The following DDX6 variants were observed in gnomAD, a reference collection of about 807,000 sequenced individuals.
The protein encoded by DDX6 is DEAD-box helicase 6.
Under a neutral mutation model 60.6 loss-of-function variants are expected in DDX6, and 7 were observed. That is an observed-to-expected ratio of 0.12 (90% CI 0.07 to 0.22). The LOEUF is 0.22. Ranked by LOEUF, DDX6 falls within the 10% of genes least tolerant of loss-of-function variation. The pLI is 1.00. For missense variants in DDX6, 270 were observed against 589.9 expected (o/e 0.46, Z 5.62); for synonymous variants, 207 against 201.0 (o/e 1.03, Z -0.25).
At chr11:118,765,149 T>C in intron 6 of DDX6, 60 bp downstream of exon 6, 13 of 1,564,550 alleles carry the variant, frequency 8.3e-6, no homozygotes, top group Non-Finnish European at 1.1e-5. Context: ...AATAATTTAC[T>C]GAAATACTTG....
At chr11:118,780,849 C>T (rs544361009) in intron 3 of DDX6, among the ~76,000 whole-genome samples, 2 of 152,202 alleles carry the variant, frequency 1.3e-5, no homozygotes, top group South Asian at 4.1e-4. Context: ...TGATGATAAG[C>T]AAAAATGTTT....
chr11:118,783,236 G>A (rs1861961019), intron 2 of DDX6, among the ~76,000 whole-genome samples: 2 of 152,124 alleles, frequency 1.3e-5, no homozygotes, highest in African/African-American at 4.8e-5. Flanking sequence ...AGGAAAACCA[G>A]AAAAGAAAAA....
rs542330434 is a variant in DDX6 at position 118,753,013 on chromosome 11, T to C, written c.*8-916A>G. Reference sequence around the variant, plus strand: ...GTATTTGACGGAGTTTCACTCTTATTACCTAGGAAATCAGAGTGGGTTATT... The same window carrying C: ...GTATTTGACGGAGTTTCACTCTTATCACCTAGGAAATCAGAGTGGGTTATT... On this transcript the variant is annotated intron_variant, in intron 13 of 13. Coordinates refer to ENST00000534980, the MANE Select transcript of DDX6 (RefSeq NM_004397.6). 1.5e-4 allele frequency among the ~76,000 whole-genome samples: 23 copies of C among 152,312 alleles called. No individual in the cohort carries two copies. In the East Asian group the frequency reaches 4.2e-3, roughly 28 times the overall value.
chr11:118,753,031 G>C (rs1197342977), intron 13 of DDX6, among the ~76,000 whole-genome samples: 2 of 152,168 alleles, frequency 1.3e-5, no homozygotes, highest in African/African-American at 4.8e-5. Flanking sequence ...AAATCAGAGT[G>C]GGTTATTTAT....
chr11:118,786,862 T>A (rs1862091426), intron 1 of DDX6: 1 of 152,284 alleles, frequency 6.6e-6, no homozygotes, highest in Non-Finnish European at 1.5e-5. Context: ...AAGTCAGTGA[T>A]TCATTATACT....
rs1862132793 is a variant in DDX6, at chr11:118,787,979, C to T, written c.-267-1461G>A. 2.0e-5 allele frequency: 3 copies of T among 150,868 alleles called. No homozygotes were observed. The South Asian group carries it at 6.3e-4, about 32-fold the overall frequency. 9.3% of individuals were successfully genotyped at this position (150,868 alleles called of 1,614,324 possible). ...TTTTAAGAAAACTTTCCAAGAAATC[C>T]AGAGTAGTAAAGCTAATTAATAGTT... On this transcript the variant is annotated intron_variant, in intron 1 of 13. Transcript: ENST00000534980.
chr11:118,767,148 G>A (rs915606279), intron 5 of DDX6, among the ~76,000 whole-genome samples: 6 of 151,564 alleles, frequency 4.0e-5, no homozygotes, highest in African/African-American at 1.2e-4. Context: ...TCGGCCTCCC[G>A]AAGTGCTGGG....
chr11:118,759,048 G>C (rs1861075396), intron 8 of DDX6, 146 bp from the exon 9 acceptor site: 1 of 1,095,302 alleles, frequency 9.1e-7, no homozygotes, highest in Admixed American at 2.6e-5. Flanking sequence ...TATATGATCT[G>C]TCATTACAGA....
rs1250559571 is a variant in DDX6 at position 118,751,721 on chromosome 11, A to C, written c.*384T>G. 3 of 294,870 alleles carry C rather than the reference A, an allele frequency of 1.0e-5. No homozygotes were observed. In the East Asian group the frequency reaches 3.1e-4, roughly 31 times the overall value. 18.3% of individuals were successfully genotyped at this position (294,870 alleles called of 1,614,324 possible). A position where few individuals can be genotyped will look rare whatever the true frequency, so the allele number is the denominator to read the frequency against. On this transcript the variant is annotated 3_prime_UTR_variant, in exon 14 of 14. Transcript: ENST00000534980. ...AGGAATCAGGGAGAAGTTGAAATGCACGAGAGTCAGCTGTTGGAGAATTTT... is the reference window on the plus strand; with the variant it reads ...AGGAATCAGGGAGAAGTTGAAATGCCCGAGAGTCAGCTGTTGGAGAATTTT...
Position 118,778,798 on chromosome 11 carries a change from T to C in DDX6, c.369+834A>G, listed in dbSNP as rs118031643. On this transcript the variant is annotated intron_variant, in intron 4 of 13. Transcript: ENST00000534980. ...ATACCCTGAGAAGGCCATAATGTGATTTCTGCATTATTCGGGCTGAGAAAG... is the reference window on the plus strand; with the variant it reads ...ATACCCTGAGAAGGCCATAATGTGACTTCTGCATTATTCGGGCTGAGAAAG... Among the ~76,000 whole-genome samples the C allele has an allele frequency of 8.0e-3, 1,224 of 152,212 alleles. 67 individuals carry two copies. In the East Asian group the frequency reaches 0.14, roughly 17 times the overall value.
At chr11:118,765,871 G>A (rs1861335632) in intron 5 of DDX6, among the ~76,000 whole-genome samples, 1 of 152,058 alleles carries the variant, frequency 6.6e-6, no homozygotes, top group South Asian at 2.1e-4. Flanking sequence ...GATCACCTGA[G>A]GCCGGGAGTT....
chr11:118,779,631 C>A lies in DDX6; in HGVS notation c.369+1G>T. 6.3e-7 allele frequency: 1 copy of A among 1,598,862 alleles called. No individual in the cohort carries two copies. On this transcript the variant is annotated splice_donor_variant, in intron 4 of 13. Transcript: ENST00000534980. LOFTEE classifies it high-confidence loss of function. ...ATATGTGATAAAAAGGGTTAACATA[C>A]CTGAATAGGAGATGGCTTTTCCCAG... is the stretch of plus-strand genomic sequence containing the variant.
intron 10 of DDX6, among the ~76,000 whole-genome samples, chr11:118,756,773 A>G (rs1193861135): frequency 6.6e-6 from 1 of 152,226 alleles, no homozygotes; most frequent in Non-Finnish European, 1.5e-5. Context: ...TGCCTAACTG[A>G]GCACTTGAAA....
intron 4 of DDX6, among the ~76,000 whole-genome samples, chr11:118,777,325 G>A (rs1220580620): frequency 6.6e-6 from 1 of 152,068 alleles, no homozygotes; most frequent in African/African-American, 2.4e-5. Flanking sequence ...ATCAATTTAA[G>A]TATGTCTGTT....
intron 6 of DDX6, 25 bp downstream of exon 6, chr11:118,765,184 C>T: frequency 6.2e-7 from 1 of 1,610,084 alleles, no homozygotes; most frequent in Non-Finnish European, 8.5e-7. Flanking sequence ...GAGAGCTACA[C>T]TACCTTTTAG....
In DDX6 at chr11:118,758,278, A is replaced by G. The variant is rs185366363; in HGVS notation, c.993+496T>C. Among the ~76,000 whole-genome samples the G allele has an allele frequency of 9.8e-5, 15 of 152,370 alleles. No individual in the cohort carries two copies. The East Asian group carries it at 2.5e-3, about 25-fold the overall frequency. On this transcript the variant is annotated intron_variant, in intron 9 of 13. Transcript: ENST00000534980. ...GGTCAAAGTATTTCAGAAACTATTC[A>G]AAAGTGTATCTGTGACTTGGTTAAT...
intron 2 of DDX6, among the ~76,000 whole-genome samples, chr11:118,785,176 GTAATT>G (rs1862033688): frequency 1.3e-5 from 2 of 152,072 alleles, no homozygotes; most frequent in South Asian, 4.1e-4. Context: ...TTCAAATATT[GTAATT>G]TAAACTATGC....
chr11:118,780,701 T>C (rs781885161), intron 3 of DDX6, among the ~76,000 whole-genome samples: 2 of 152,156 alleles, frequency 1.3e-5, no homozygotes, highest in African/African-American at 2.4e-5. Flanking sequence ...TCACAAGATA[T>C]GAAGTTAAAT....
intron 7 of DDX6, among the ~76,000 whole-genome samples, chr11:118,762,427 C>T (rs1170710968): frequency 6.6e-6 from 1 of 152,064 alleles, no homozygotes; most frequent in Non-Finnish European, 1.5e-5. Flanking sequence ...GAAAATATTA[C>T]CCAAACCTAC....
Sources: gnomAD v4.1 joint callset for allele counts (sites outside exome capture counted in the v4.1 genomes callset) on GRCh38, gnomAD v4.1.1 for gene constraint, MANE v1.5 for transcripts, NCBI Gene and HGNC (gene_info 2026-07-23, HGNC 2026-07-21) for gene names.